NECTIN3: variants seen among roughly 807,000 people sequenced by gnomAD.
NECTIN3 encodes nectin cell adhesion molecule 3.
In NECTIN3, 8 loss-of-function variants were observed where a neutral mutation model predicts 49.4. The observed-to-expected ratio is 0.16, with a 90% CI of 0.10 to 0.29. The LOEUF (loss-of-function observed/expected upper bound fraction) is 0.29, where lower values mean the gene tolerates loss of function less well. Ranked by LOEUF, NECTIN3 falls within the 10% of genes least tolerant of loss-of-function variation. The probability of loss-of-function intolerance (pLI) is 1.00; values close to 1 mark genes in which losing one functional copy is unlikely to be tolerated. For synonymous variants in NECTIN3, 277 were observed against 241.1 expected, an observed-to-expected ratio of 1.15 and a Z score of -1.38; for missense variants, 581 against 654.6, an observed-to-expected ratio of 0.89 and a Z score of 1.23.
chr3:111,111,629 C>A (rs375978629), intron 1 of NECTIN3, among the ~76,000 whole-genome samples: 95 of 152,250 alleles, frequency 6.2e-4, no homozygotes, highest in African/African-American at 2.3e-3. Flanking sequence ...AATCTTCTAC[C>A]TCAGTCTTTC....
intron 1 of NECTIN3, chr3:111,072,525 C>A: frequency 6.5e-7 from 1 of 1,535,880 alleles, no homozygotes; most frequent in Non-Finnish European, 8.7e-7. Context: ...GTTAAGGTGC[C>A]GGGATGCACG....
intron 7 of NECTIN3, among the ~76,000 whole-genome samples, chr3:111,158,364 G>A (rs1047588611): frequency 2.6e-5 from 4 of 151,992 alleles, no homozygotes; most frequent in East Asian, 1.9e-4. Flanking sequence ...TTTACGGAAG[G>A]TAATAATCTC....
intron 7 of NECTIN3, among the ~76,000 whole-genome samples, chr3:111,161,143 T>C (rs898464626): frequency 6.6e-6 from 1 of 152,170 alleles, no homozygotes; most frequent in Non-Finnish European, 1.5e-5. Context: ...ATGTTAGATA[T>C]ATGTGAGCTT....
At chr3:111,087,290 T>C (rs1226303603) in intron 1 of NECTIN3, among the ~76,000 whole-genome samples, 7 of 152,166 alleles carry the variant, frequency 4.6e-5, no homozygotes, top group Admixed American at 4.6e-4. Context: ...GTTACATGTG[T>C]AATCTCAGAG....
At chr3:111,144,609 CTCT>C (rs1459798492) in intron 5 of NECTIN3, among the ~76,000 whole-genome samples, 2 of 151,850 alleles carry the variant, frequency 1.3e-5, no homozygotes, top group Non-Finnish European at 2.9e-5. Context: ...CTTTTTCTCT[CTCT>C]TCTTCTCCAG....
At chr3:111,193,341 AAG>A (rs1241240392) in intron 1 of NECTIN3, 3 of 1,535,834 alleles carry the variant, frequency 2.0e-6, no homozygotes, top group Non-Finnish European at 2.6e-6. Flanking sequence ...TAACGACCCT[AAG>A]AGAGTCTACA....
intron 7 of NECTIN3, among the ~76,000 whole-genome samples, chr3:111,160,577 A>T (rs2035190244): frequency 2.0e-5 from 3 of 151,866 alleles, no homozygotes; most frequent in African/African-American, 7.3e-5. Context: ...TTTTTACATG[A>T]TTTTTTTTAA....
At chr3:111,149,692 C>T (rs1395989789) in intron 7 of NECTIN3, among the ~76,000 whole-genome samples, 2 of 151,812 alleles carry the variant, frequency 1.3e-5, no homozygotes, top group South Asian at 2.1e-4. Context: ...ATTTTTTATT[C>T]ATTCTAATGC....
chr3:111,139,780 T>C (rs1249392045), downstream of NECTIN3, among the ~76,000 whole-genome samples: 1 of 151,788 alleles, frequency 6.6e-6, no homozygotes, highest in East Asian at 1.9e-4. Flanking sequence ...TCAAAATTAG[T>C]CTGTACTCCT....
At chr3:111,097,476 A>C (rs935720927) in intron 1 of NECTIN3, among the ~76,000 whole-genome samples, 1 of 152,140 alleles carries the variant, frequency 6.6e-6, no homozygotes, top group Admixed American at 6.5e-5. Flanking sequence ...ATGTGAGGAC[A>C]TGAGATTTGG....
chr3:111,115,518 T>C (rs1036056505), intron 2 of NECTIN3, among the ~76,000 whole-genome samples: 8 of 152,192 alleles, frequency 5.3e-5, no homozygotes, highest in South Asian at 2.1e-4. Context: ...TTCAGATCCC[T>C]CTTAGGCTTA....
At position 111,137,057 on chromosome 3, in the gene NECTIN3, C is replaced by G. The variant is rs552726205; in HGVS notation, c.*2842C>G. The stretch of plus-strand genomic sequence containing the variant: ...CAGGAAAGTTTTATAAGATAACCCA[C>G]GGCTAAATATTTTGCATTAAGGAGC... On this transcript the variant is annotated 3_prime_UTR_variant, in exon 6 of 6. Coordinates refer to ENST00000485303, the MANE Select transcript of NECTIN3 (RefSeq NM_015480.3). The G allele has an allele frequency of 1.0e-6, 1 of 982,014 alleles. No homozygotes were observed. The highest frequency in any genetic ancestry group is 6.2e-5 in the Admixed American group (1 of 16,126). 60.8% of individuals were successfully genotyped at this position (982,014 alleles called of 1,614,324 possible). A position where few individuals can be genotyped will look rare whatever the true frequency, so the allele number is the denominator to read the frequency against.
At chr3:111,169,755 G>A (rs2035399637) in intron 7 of NECTIN3, among the ~76,000 whole-genome samples, 2 of 152,112 alleles carry the variant, frequency 1.3e-5, no homozygotes, top group Non-Finnish European at 2.9e-5. Flanking sequence ...TTCAGCTGTA[G>A]TAATGAAATT....
intron 1 of NECTIN3, among the ~76,000 whole-genome samples, chr3:111,085,827 A>T (rs1215322547): frequency 6.6e-6 from 1 of 152,090 alleles, no homozygotes; most frequent in African/African-American, 2.4e-5. Context: ...ACTGCTGTGA[A>T]CATCATCGTG....
chr3:111,158,817 G>A (rs983339778), intron 7 of NECTIN3, among the ~76,000 whole-genome samples: 11 of 152,158 alleles, frequency 7.2e-5, no homozygotes, highest in African/African-American at 2.6e-4. Context: ...AACCACAGAC[G>A]CAAACAAAAT....
intron 2 of NECTIN3, among the ~76,000 whole-genome samples, chr3:111,116,149 C>T (rs1257401918): frequency 6.6e-6 from 1 of 151,662 alleles, no homozygotes; most frequent in Non-Finnish European, 1.5e-5. Context: ...AATTGCAGGC[C>T]CAGGGCTGAT....
chr3:111,132,008 A>G (rs1248823067), intron 5 of NECTIN3, among the ~76,000 whole-genome samples: 1 of 151,858 alleles, frequency 6.6e-6, no homozygotes, highest in Non-Finnish European at 1.5e-5. Context: ...CTGCTTCCTC[A>G]GAAAATACAT....
chr3:111,179,744 A>G (rs2035593894), intron 7 of NECTIN3, among the ~76,000 whole-genome samples: 2 of 152,004 alleles, frequency 1.3e-5, no homozygotes, highest in Admixed American at 1.3e-4. Flanking sequence ...AATACAAAAA[A>G]TTAGCTGAGT....
intron 1 of NECTIN3, chr3:111,192,463 G>A (rs1202575941): frequency 1.1e-5 from 16 of 1,442,264 alleles, no homozygotes; most frequent in Admixed American, 2.0e-5. Context: ...GGTAGCTAAC[G>A]TGCTTATTAA....
Sources: gnomAD v4.1 joint callset for allele counts (sites outside exome capture counted in the v4.1 genomes callset) on GRCh38, gnomAD v4.1.1 for gene constraint, MANE v1.5 for transcripts, NCBI Gene and HGNC (gene_info 2026-07-23, HGNC 2026-07-21) for gene names.